The following CCAR1 variants were observed in gnomAD, a reference collection of about 807,000 sequenced individuals.
CCAR1 encodes the protein cell division cycle and apoptosis regulator protein 1.
A neutral mutation model predicts 163.8 loss-of-function variants in CCAR1; 78 were observed. The observed-to-expected ratio is 0.48, with a 90% CI of 0.40 to 0.57. The LOEUF (loss-of-function observed/expected upper bound fraction) is 0.57, where lower values mean the gene tolerates loss of function less well. Among genes scored for constraint, CCAR1 ranks in the 20% least tolerant of loss-of-function variants. The pLI, the probability that CCAR1 is intolerant of heterozygous loss-of-function variation, is 0.00. For missense variants in CCAR1, 1,019 were observed against 1,365.2 expected (o/e 0.75, Z 4.00); for synonymous variants, 443 against 460.7 (o/e 0.96, Z 0.49).
At chr10:68,767,872 A>G (rs1693931623) in intron 17 of CCAR1, among the ~76,000 whole-genome samples, 1 of 152,202 alleles carries the variant, frequency 6.6e-6, no homozygotes, top group Non-Finnish European at 1.5e-5. Context: ...ACTTTACAAC[A>G]TGTTTGTTTT....
In CCAR1 at chr10:68,788,297, A is replaced by T. The variant is rs2056817842; in HGVS notation, c.3156A>T (p.Glu1052Asp). The part of the protein sequence containing the change: ...EKSEKVRAEV[E>D]QKLQLLEEKT... ...GCGAAAAAGTAAGAGCTGAGGTAGA[A>T]CAGAAGCTGCAGTTACTAGAAGAAA... Residue 1052 changes from glutamate to aspartate, a missense_variant, in exon 23 of 25, where the codon GAA becomes GAT. Glu to Asp is a conservative substitution (Grantham distance 45, BLOSUM62 2). This residue lies in a region of CCAR1 where 358 missense variants were observed against 406.4 expected (regional missense o/e 0.88). Transcript: ENST00000265872. 2 of 1,577,090 alleles carry T rather than the reference A, an allele frequency of 1.3e-6. No homozygotes were observed. The highest frequency in any genetic ancestry group is 8.6e-7 in the Non-Finnish European group (1 of 1,169,326).
intron 24 of CCAR1, among the ~76,000 whole-genome samples, chr10:68,790,849 T>C (rs1455636481): frequency 3.4e-5 from 5 of 146,632 alleles, no homozygotes; most frequent in African/African-American, 1.2e-4. Context: ...ATAAAAAAAC[T>C]GCGAGACTCT....
Position 68,756,786 on chromosome 10 carries a change from T to A in CCAR1, c.1836+303T>A, listed in dbSNP as rs1179812994. Among the ~76,000 whole-genome samples, 1 of 152,216 alleles carries A rather than the reference T, an allele frequency of 6.6e-6. No individual in the cohort carries two copies. The highest frequency in any genetic ancestry group is 1.5e-5 in the Non-Finnish European group (1 of 68,028). ...TCTGGGACCAGTTGTTGAACAAGATTCAGTATTAAGCCATTTTAAACATTT... is the reference window on the plus strand; with the variant it reads ...TCTGGGACCAGTTGTTGAACAAGATACAGTATTAAGCCATTTTAAACATTT... On this transcript the variant is annotated intron_variant, in intron 14 of 24. Transcript: ENST00000265872. The surrounding 1 kb of genome is among the most constrained non-coding windows in gnomAD (Gnocchi z 5.1).
chr10:68,760,964 G>A (rs565004621), intron 15 of CCAR1, 43 bp from the exon 16 acceptor site: 45 of 287,476 alleles, frequency 1.6e-4, no homozygotes, highest in Admixed American at 4.5e-4. Context: ...CCCGCCCCCC[G>A]CCACCTTTTT....
chr10:68,733,861 A>G (rs1426645370), intron 2 of CCAR1, among the ~76,000 whole-genome samples: 2 of 152,002 alleles, frequency 1.3e-5, no homozygotes, highest in African/African-American at 4.8e-5. Context: ...ACAAGGTTTC[A>G]CCATGTTGGC....
intron 2 of CCAR1, among the ~76,000 whole-genome samples, chr10:68,723,059 CATA>C (rs1319360528): frequency 6.6e-6 from 1 of 151,970 alleles, no homozygotes; most frequent in African/African-American, 2.4e-5. Flanking sequence ...AGCTGTTTTA[CATA>C]GTAGTTTGGA....
chr10:68,744,996 AAATT>A (rs71028774), intron 6 of CCAR1, among the ~76,000 whole-genome samples: 33,556 of 151,190 alleles, frequency 0.22, 3,923 homozygotes, highest in South Asian at 0.29. Flanking sequence ...CTATTTAATT[AAATT>A]AATTAATTAA....
rs543161845 is a variant in CCAR1 at position 68,742,481 on chromosome 10, C to T, written c.430C>T (p.Pro144Ser). ...AAGGTCCAGTCAACAGCAAACCCAG[C>T]CTCAGAAGCAGCGTGTTTTCACAGG... ...TPRSSQQQTQ[P>S]QKQRVFTGVV... Residue 144 changes from proline to serine, a missense_variant, in exon 6 of 25, where the codon CCT becomes TCT. By Grantham distance (74) the Pro-to-Ser change is moderately conservative. Coordinates refer to ENST00000265872, the MANE Select transcript of CCAR1 (RefSeq NM_018237.4). The T allele has an allele frequency of 6.2e-7, 1 of 1,614,136 alleles. No homozygotes were observed. Among genetic ancestry groups the T allele is most frequent in the Admixed American group, 1.7e-5 (1 of 60,014 alleles).
At chr10:68,779,538 C>T (rs1266628937) in intron 19 of CCAR1, among the ~76,000 whole-genome samples, 3 of 152,056 alleles carry the variant, frequency 2.0e-5, no homozygotes, top group Admixed American at 6.6e-5. Flanking sequence ...GGATTACAGG[C>T]GTGAGCCACC....
chr10:68,760,923 A>C, intron 15 of CCAR1, 84 bp from the exon 16 acceptor site: 2 of 467,994 alleles, frequency 4.3e-6, no homozygotes, highest in Non-Finnish European at 7.9e-6. Flanking sequence ...AATTGTAGCT[A>C]GTTTGTTTCC....
chr10:68,787,232 G>T (rs1272923679), intron 21 of CCAR1, among the ~76,000 whole-genome samples: 2 of 149,746 alleles, frequency 1.3e-5, no homozygotes, highest in Non-Finnish European at 3.0e-5. Context: ...TAAACAAAAC[G>T]TGGAATTATT....
intron 18 of CCAR1, among the ~76,000 whole-genome samples, chr10:68,772,381 G>C (rs745799166): frequency 6.6e-6 from 1 of 151,976 alleles, no homozygotes; most frequent in Non-Finnish European, 1.5e-5. Flanking sequence ...TACTTGGGAG[G>C]GTGAGGCAGG....
chr10:68,753,016 A>G (rs936568863), intron 10 of CCAR1, among the ~76,000 whole-genome samples: 2 of 151,454 alleles, frequency 1.3e-5, no homozygotes, highest in Non-Finnish European at 2.9e-5. Context: ...TGACAGGTTT[A>G]TTACTCTGTA....
At position 68,771,340 on chromosome 10, in the gene CCAR1, A is replaced by T. The variant is rs765843134; in HGVS notation, c.2433A>T (p.Arg811Ser). ...EKDKKSKKDE[R>S]KDKKEERDDE... ...ATAAAAAAAGCAAAAAAGATGAGAG[A>T]AAAGATAAAAAAGAAGAAAGAGATG... Residue 811 changes from arginine to serine, a missense_variant, in exon 18 of 25, where the codon AGA becomes AGT. By Grantham distance (110) the Arg-to-Ser change is moderately radical (BLOSUM62 -1). Coordinates refer to ENST00000265872, the MANE Select transcript of CCAR1 (RefSeq NM_018237.4). 4.4e-6 allele frequency: 7 copies of T among 1,605,402 alleles called. No individual in the cohort carries two copies. In the South Asian group the frequency reaches 6.7e-5, roughly 15 times the overall value.
intron 19 of CCAR1, among the ~76,000 whole-genome samples, chr10:68,780,577 C>T (rs2056723953): frequency 6.6e-6 from 1 of 152,158 alleles, no homozygotes; most frequent in South Asian, 2.1e-4. Flanking sequence ...ACTTTATAGG[C>T]ATGCTTTGTT....
At chr10:68,747,112 A>C in intron 6 of CCAR1, 49 bp from the exon 7 acceptor site, 1 of 941,486 alleles carries the variant, frequency 1.1e-6, no homozygotes, top group Non-Finnish European at 1.6e-6. Context: ...GGAGAAATCT[A>C]TTTTAATTGT....
intron 18 of CCAR1, among the ~76,000 whole-genome samples, chr10:68,772,388 C>T (rs553788705): frequency 6.6e-6 from 1 of 151,842 alleles, no homozygotes; most frequent in African/African-American, 2.4e-5. Flanking sequence ...GAGGGTGAGG[C>T]AGGAGGATTG....
intron 19 of CCAR1, among the ~76,000 whole-genome samples, chr10:68,774,153 A>T (rs371884000): frequency 6.6e-6 from 1 of 151,518 alleles, no homozygotes. Flanking sequence ...CGGCCTCCCA[A>T]TGTGCTGGGA....
Position 68,791,255 on chromosome 10 carries a change from G to A in CCAR1, c.3442G>A (p.Ala1148Thr). The change falls in exon 25 of 25, where the codon GCC (alanine) becomes ACC (threonine). Residue 1148 changes from alanine to threonine, a missense_variant. Physicochemically the swap from Ala to Thr is moderately conservative, Grantham distance 58. Around this residue, in one of 4 missense-constraint regions of CCAR1, gnomAD observed 358 missense variants for 406.4 expected, o/e 0.88. Transcript: ENST00000265872. ...AGATCAAAAATCCAAGGAGAATGGT[G>A]CCAGTGTATGATAAAATCCATGTAG... Reference protein sequence around the residue: ...DKDQKSKENGASV With the variant: ...DKDQKSKENGTSV 1 of 1,597,198 alleles carries A rather than the reference G, an allele frequency of 6.3e-7. No individual in the cohort carries two copies. Among genetic ancestry groups the A allele is most frequent in the Non-Finnish European group, 8.6e-7 (1 of 1,166,814 alleles).
Sources: allele counts gnomAD v4.1 joint callset (sites outside exome capture counted in the v4.1 genomes callset), GRCh38; gene constraint gnomAD v4.1.1; regional missense constraint gnomAD v4.1.1; non-coding constraint Gnocchi (gnomAD v3.1); transcripts MANE v1.5; gene names NCBI Gene and HGNC (gene_info 2026-07-23, HGNC 2026-07-21).